The following RGS6 variants were observed in gnomAD, a reference collection of about 807,000 sequenced individuals.
RGS6 encodes regulator of G protein signaling 6, also known as regulator of G-protein signaling 6.
Under a neutral mutation model 78.5 loss-of-function variants are expected in RGS6, and 30 were observed. The observed-to-expected ratio is 0.38, with a 90% CI of 0.29 to 0.52. The LOEUF is 0.52. RGS6 is among the 20% of genes least tolerant of loss of function. RGS6 has a pLI of 0.85. For missense variants in RGS6, 495 were observed against 609.7 expected, an observed-to-expected ratio of 0.81 and a Z score of 1.98; for synonymous variants, 206 against 206.0, an observed-to-expected ratio of 1.00 and a Z score of 0.00.
At chr14:72,432,544 T>G (rs1163782463) in intron 3 of RGS6, among the ~76,000 whole-genome samples, 1 of 152,220 alleles carries the variant, frequency 6.6e-6, no homozygotes, top group Non-Finnish European at 1.5e-5. Context: ...CCAGATCTAT[T>G]TATAAGTTTT....
intron 15 of RGS6, among the ~76,000 whole-genome samples, chr14:72,535,443 A>T (rs1176177773): frequency 6.6e-6 from 1 of 152,238 alleles, no homozygotes; most frequent in Non-Finnish European, 1.5e-5. Context: ...TATAAGAAAT[A>T]CTGTGCTGTT....
At chr14:71,990,385 A>G (rs1275569671) in intron 2 of RGS6, among the ~76,000 whole-genome samples, 1 of 152,198 alleles carries the variant, frequency 6.6e-6, no homozygotes, top group East Asian at 1.9e-4. Flanking sequence ...GAGGAAGGGC[A>G]AAATTCATGT....
chr14:72,435,308 G>C (rs539550621), intron 3 of RGS6, among the ~76,000 whole-genome samples: 1 of 152,064 alleles, frequency 6.6e-6, no homozygotes, highest in South Asian at 2.1e-4. Flanking sequence ...TCATGTAATA[G>C]CCCTGCAAAG....
intron 2 of RGS6, among the ~76,000 whole-genome samples, chr14:72,323,448 AC>A (rs994206321): frequency 7.2e-5 from 11 of 151,914 alleles, no homozygotes; most frequent in South Asian, 2.1e-4. Flanking sequence ...AAAAAAAAAA[AC>A]AATAGAATCT....
At chr14:71,945,231 C>A (rs2091331319) in intron 1 of RGS6, among the ~76,000 whole-genome samples, 1 of 152,226 alleles carries the variant, frequency 6.6e-6, no homozygotes, top group South Asian at 2.1e-4. Flanking sequence ...AGCTTTATCA[C>A]CATGACATTG....
intron 2 of RGS6, among the ~76,000 whole-genome samples, chr14:72,235,044 A>G (rs1313759823): frequency 6.6e-6 from 1 of 152,126 alleles, no homozygotes; most frequent in Non-Finnish European, 1.5e-5. Context: ...TCCCATTGCC[A>G]TCTGACGTGG....
intron 2 of RGS6, among the ~76,000 whole-genome samples, chr14:72,173,776 A>G (rs557783235): frequency 1.2e-4 from 18 of 152,240 alleles, no homozygotes; most frequent in South Asian, 4.2e-4. Flanking sequence ...CCTTGGGGCT[A>G]TGGTACCAAC....
chr14:72,376,775 C>A (rs2084845314), intron 3 of RGS6, among the ~76,000 whole-genome samples: 1 of 152,036 alleles, frequency 6.6e-6, no homozygotes, highest in Non-Finnish European at 1.5e-5. Context: ...TTTTCGCAGA[C>A]AAGCAAAAAT....
At chr14:72,114,993 G>A (rs747696137) in intron 2 of RGS6, among the ~76,000 whole-genome samples, 42 of 152,182 alleles carry the variant, frequency 2.8e-4, no homozygotes, top group Non-Finnish European at 4.0e-4. Context: ...ATGTAAGTAC[G>A]GCTCCTTTAT....
intron 2 of RGS6, among the ~76,000 whole-genome samples, chr14:72,209,522 C>T (rs34988809): frequency 0.013 from 1,915 of 152,190 alleles, 17 homozygotes; most frequent in Non-Finnish European, 0.019. Context: ...TGTTGCCAGC[C>T]ACTTAATTAG....
At chr14:72,543,110 C>G (rs942337310) in intron 17 of RGS6, among the ~76,000 whole-genome samples, 7 of 152,132 alleles carry the variant, frequency 4.6e-5, no homozygotes, top group Middle Eastern at 3.2e-3. Context: ...AACCACAAAC[C>G]CTGCTTATTT....
chr14:71,989,055 G>T (rs1481819372), intron 2 of RGS6, among the ~76,000 whole-genome samples: 2 of 152,186 alleles, frequency 1.3e-5, no homozygotes, highest in East Asian at 3.8e-4. Flanking sequence ...CCACTTGCTG[G>T]CTGGCTACCT....
At chr14:72,034,842 C>T (rs11621946) in intron 2 of RGS6, among the ~76,000 whole-genome samples, 19,813 of 152,064 alleles carry the variant, frequency 0.13, 1,342 homozygotes, top group East Asian at 0.17. Flanking sequence ...GTTTCCTTTC[C>T]AGTTACCATA....
chr14:72,328,671 C>G (rs1387655237), intron 2 of RGS6, among the ~76,000 whole-genome samples: 1 of 152,134 alleles, frequency 6.6e-6, no homozygotes, highest in Non-Finnish European at 1.5e-5. Context: ...ATTGTGAGGT[C>G]CCATTCTACG....
chr14:72,217,059 G>A (rs2045751834), intron 2 of RGS6, among the ~76,000 whole-genome samples: 1 of 152,114 alleles, frequency 6.6e-6, no homozygotes, highest in African/African-American at 2.4e-5. Context: ...TAAGGAAAAG[G>A]ACAAAGTTGT....
intron 2 of RGS6, among the ~76,000 whole-genome samples, chr14:72,260,440 G>A (rs1435614526): frequency 6.6e-6 from 1 of 152,188 alleles, no homozygotes; most frequent in African/African-American, 2.4e-5. Context: ...TTTAATAAAA[G>A]ATGTCAAAGT....
At chr14:72,027,236 T>A (rs56202480) in intron 2 of RGS6, among the ~76,000 whole-genome samples, 18,167 of 128,064 alleles carry the variant, frequency 0.14, 1,114 homozygotes, top group African/African-American at 0.18. Flanking sequence ...AGAGAGAGAG[T>A]GTGTGTGTGT....
chr14:72,492,903 A>G (rs2096596961), intron 12 of RGS6, among the ~76,000 whole-genome samples: 1 of 152,244 alleles, frequency 6.6e-6, no homozygotes, highest in Non-Finnish European at 1.5e-5. Context: ...AGAGCTGAGT[A>G]GTGGCAACAG....
At chr14:72,079,906 C>T (rs2094745920) in intron 2 of RGS6, among the ~76,000 whole-genome samples, 1 of 152,096 alleles carries the variant, frequency 6.6e-6, no homozygotes, top group African/African-American at 2.4e-5. Context: ...GTTGTATACA[C>T]ATACCACATT....
Sources: gnomAD v4.1 joint callset for allele counts (sites outside exome capture counted in the v4.1 genomes callset) on GRCh38, gnomAD v4.1.1 for gene constraint, MANE v1.5 for transcripts, NCBI Gene and HGNC (gene_info 2026-07-23, HGNC 2026-07-21) for gene names.